Variants in DNA2 observed in about 807,000 individuals in gnomAD.
DNA2 encodes DNA replication helicase/nuclease 2.
Under a neutral mutation model 119.1 loss-of-function variants are expected in DNA2, and 101 were observed. That is an observed-to-expected ratio of 0.85 (90% CI 0.72 to 1.00). The LOEUF (loss-of-function observed/expected upper bound fraction) is 1.00, where lower values mean the gene tolerates loss of function less well. Ranked by LOEUF, DNA2 falls within the 50% of genes least tolerant of loss-of-function variation. DNA2 has a pLI of 0.00. For missense variants in DNA2, 1,121 were observed against 1,255.5 expected, an observed-to-expected ratio of 0.89 and a Z score of 1.62; for synonymous variants, 366 against 424.4, an observed-to-expected ratio of 0.86 and a Z score of 1.69.
At chr10:68,445,328 G>C (rs1200810087) in intron 7 of DNA2, among the ~76,000 whole-genome samples, 1 of 152,046 alleles carries the variant, frequency 6.6e-6, no homozygotes, top group Non-Finnish European at 1.5e-5. Context: ...GCTGGGATTG[G>C]TGGCGCATGA....
At position 68,430,524 on chromosome 10, in the gene DNA2, G is replaced by A. The variant is rs769639207; in HGVS notation, c.2120C>T (p.Pro707Leu). The stretch of plus-strand genomic sequence containing the variant: ...TTGCTCTGTAAATTGCTGGATAGCT[G>A]GATGAACCTTCTGAATCTGACCCAA... ...LRLGQIQKVH[P>L]AIQQFTEQEI... Residue 707 changes from proline to leucine, a missense_variant, in exon 14 of 21, where the codon CCA becomes CTA. Pro to Leu is a moderately conservative substitution (Grantham distance 98, BLOSUM62 -3). Transcript: ENST00000358410. 1.9e-6 allele frequency: 3 copies of A among 1,611,862 alleles called. No homozygotes were observed. Among genetic ancestry groups the A allele is most frequent in the Admixed American group, 1.7e-5 (1 of 59,654 alleles).
chr10:68,435,659 G>A (rs1020749894), intron 10 of DNA2, among the ~76,000 whole-genome samples: 2 of 146,430 alleles, frequency 1.4e-5, no homozygotes, highest in East Asian at 2.1e-4. Context: ...GGGTTTCATC[G>A]TGTTAGCCAG....
chr10:68,427,412 C>T (rs1039857813), intron 14 of DNA2, among the ~76,000 whole-genome samples: 2 of 151,528 alleles, frequency 1.3e-5, no homozygotes, highest in Non-Finnish European at 2.9e-5. Flanking sequence ...GTAATCCCAA[C>T]ACTTTGGGAG....
At chr10:68,434,589 C>T (rs556310465) in intron 10 of DNA2, among the ~76,000 whole-genome samples, 1 of 151,962 alleles carries the variant, frequency 6.6e-6, no homozygotes, top group Admixed American at 6.6e-5. Context: ...GAAGTCCAGG[C>T]TGCAGTGAAC....
At chr10:68,464,169 T>C (rs1275130314) in intron 4 of DNA2, among the ~76,000 whole-genome samples, 1 of 152,180 alleles carries the variant, frequency 6.6e-6, no homozygotes, top group Non-Finnish European at 1.5e-5. Context: ...ATATTGCCAG[T>C]AGAAATGTAA....
In DNA2 at chr10:68,432,514, AAAC is replaced by A. The variant is rs1351175567; in HGVS notation, c.1647-7_1647-5del. 3.5e-6 allele frequency: 5 copies of A among 1,437,690 alleles called. No individual in the cohort carries two copies. Among genetic ancestry groups the A allele is most frequent in the Non-Finnish European group, 3.8e-6 (4 of 1,047,112 alleles). The allele number at this position is 1,437,690 out of a possible 1,614,324, so 89.1% of individuals were successfully genotyped here. A position where few individuals can be genotyped will look rare whatever the true frequency, so the allele number is the denominator to read the frequency against. ...TTCTGGAAGGACCGACAAGTTTCTA[AAAC>A]AACAAAACAAATATACATGAATGCT... On this transcript the variant is annotated splice_region_variant and splice_polypyrimidine_tract_variant and intron_variant, in intron 10 of 20. Coordinates refer to ENST00000358410, the MANE Select transcript of DNA2 (RefSeq NM_001080449.3).
chr10:68,469,311 C>T (rs1353258201), intron 2 of DNA2, among the ~76,000 whole-genome samples: 2 of 148,420 alleles, frequency 1.3e-5, no homozygotes, highest in African/African-American at 5.0e-5. Context: ...TTTGGGAGGC[C>T]GAGGTGGGCG....
chr10:68,419,757 T>A (rs1170097180), intron 18 of DNA2, 46 bp downstream of exon 18: 1 of 1,410,544 alleles, frequency 7.1e-7, no homozygotes, highest in Non-Finnish European at 1.0e-6. Context: ...TAACATTCTT[T>A]TATTCTGCAC....
At chr10:68,456,906 G>A (rs530584702) in intron 5 of DNA2, among the ~76,000 whole-genome samples, 114 of 151,622 alleles carry the variant, frequency 7.5e-4, no homozygotes, top group African/African-American at 2.6e-3. Flanking sequence ...AGGCCAAGGT[G>A]GGCGGATTAC....
rs377489386 is a variant in DNA2, at chr10:68,437,171, A to G, written c.1486T>C (p.Tyr496His). The G allele has an allele frequency of 1.9e-6, 3 of 1,613,742 alleles. No homozygotes were observed. Among genetic ancestry groups the G allele is most frequent in the Non-Finnish European group, 2.5e-6 (3 of 1,179,822 alleles). The change falls in exon 10 of 21, where the codon TAT becomes CAT. Residue 496 changes from tyrosine (Y) to histidine (H), a missense_variant. Transcript: ENST00000358410. Reference protein sequence around the residue: ...EHVKIVCDGQYLHNFQCKHGA... With the variant: ...EHVKIVCDGQHLHNFQCKHGA... ...TGTTTACATTGGAAATTATGTAAAT[A>G]TTGCCCATCACAAACTATCTTTACA... is the stretch of plus-strand genomic sequence containing the variant.
rs201458873 is a variant in DNA2, at chr10:68,471,939, G to A, written c.-75C>T. 3,093 of 1,613,450 alleles carry A rather than the reference G, an allele frequency of 1.9e-3. 9 individuals carry two copies. The highest frequency in any genetic ancestry group is 2.4e-3 in the Non-Finnish European group (2,832 of 1,179,472). On this transcript the variant is annotated 5_prime_UTR_variant, in exon 1 of 21. Transcript: ENST00000358410. ...GGGTAACACAGAAAGCTTAGAAAAGGGAAAAAGGCGCGAGCCTGCGCACCT... is the reference window on the plus strand; with the variant it reads ...GGGTAACACAGAAAGCTTAGAAAAGAGAAAAAGGCGCGAGCCTGCGCACCT...
chr10:68,470,681 C>T, intron 1 of DNA2: 1 of 403,800 alleles, frequency 2.5e-6, no homozygotes, highest in South Asian at 1.8e-5. Context: ...ACCACTGGTG[C>T]AAGCCTTCCC....
intron 4 of DNA2, among the ~76,000 whole-genome samples, chr10:68,459,466 A>G (rs1469760698): frequency 1.3e-5 from 2 of 152,250 alleles, no homozygotes; most frequent in Non-Finnish European, 2.9e-5. Flanking sequence ...ATGTTACAAC[A>G]TTGAAGAACC....
chr10:68,446,482 C>T, intron 6 of DNA2, 69 bp from the exon 7 acceptor site: 1 of 946,474 alleles, frequency 1.1e-6, no homozygotes, highest in Non-Finnish European at 1.6e-6. Flanking sequence ...TGTCTTGCAA[C>T]CAACACATAA....
chr10:68,418,741 C>T (rs1443824958), intron 19 of DNA2, among the ~76,000 whole-genome samples: 4 of 147,418 alleles, frequency 2.7e-5, no homozygotes, highest in African/African-American at 5.0e-5. Context: ...GGTACGATCT[C>T]GGCTCACTGC....
chr10:68,463,961 C>A (rs1173995875), intron 4 of DNA2, among the ~76,000 whole-genome samples: 2 of 152,078 alleles, frequency 1.3e-5, no homozygotes, highest in Non-Finnish European at 2.9e-5. Flanking sequence ...AAATAGCAAC[C>A]ACAGGTTGAA....
At chr10:68,455,697 T>C (rs2133424512) in intron 5 of DNA2, among the ~76,000 whole-genome samples, 1 of 152,114 alleles carries the variant, frequency 6.6e-6, no homozygotes, top group African/African-American at 2.4e-5. Flanking sequence ...GGCTCATGCC[T>C]ATAGTCCCAG....
In DNA2 at chr10:68,430,398, A is replaced by G. The variant is rs12221039; in HGVS notation, c.2208+38T>C. On this transcript the variant is annotated intron_variant, in intron 14 of 20. Coordinates refer to ENST00000358410, the MANE Select transcript of DNA2 (RefSeq NM_001080449.3). ...TTCTCCCCTCATTCTGGCTGTGGACATTAACTGTTAGTATTATTATACAAT... is the reference window on the plus strand; with the variant it reads ...TTCTCCCCTCATTCTGGCTGTGGACGTTAACTGTTAGTATTATTATACAAT... 0.11 allele frequency: 150,579 copies of G among 1,421,920 alleles called. 9,985 individuals carry two copies. Among genetic ancestry groups the G allele is most frequent in the South Asian group, 0.24 (19,206 of 80,122 alleles). 88.1% of individuals were successfully genotyped at this position (1,421,920 alleles called of 1,614,324 possible).
intron 1 of DNA2, 21 bp downstream of exon 1, chr10:68,471,770 C>T (rs2052384642): frequency 6.3e-7 from 1 of 1,580,098 alleles, no homozygotes. Flanking sequence ...TGTTCCCACA[C>T]CCTCCCCCCT....
Sources: gnomAD v4.1 joint callset for allele counts (sites outside exome capture counted in the v4.1 genomes callset) on GRCh38, gnomAD v4.1.1 for gene constraint, MANE v1.5 for transcripts, NCBI Gene and HGNC (gene_info 2026-07-23, HGNC 2026-07-21) for gene names.